Variants in ZSCAN29 observed in about 807,000 individuals in gnomAD.
ZSCAN29 encodes the protein zinc finger and SCAN domain-containing protein 29.
ZSCAN29 carries 55 observed loss-of-function variants against 71.9 expected under a neutral mutation model. The ratio of observed to expected loss-of-function variants is 0.76; its 90% CI spans 0.62 to 0.96. The LOEUF is 0.96. Ranked by LOEUF, ZSCAN29 falls within the 40% of genes least tolerant of loss-of-function variation. ZSCAN29 has a pLI of 0.00. For missense variants in ZSCAN29, 1,042 were observed against 1,042.2 expected (o/e 1.00, Z 0.00); for synonymous variants, 351 against 371.6 (o/e 0.94, Z 0.64).
chr15:43,369,818 C>T lies in ZSCAN29; in HGVS notation c.96G>A (p.Pro32=), dbSNP rs757213313. The change falls in exon 2 of 6, where the codon CCG becomes CCA. Residue 32 remains proline, a synonymous_variant. Coordinates refer to ENST00000684362, the MANE Select transcript of ZSCAN29 (RefSeq NM_001372080.1). The part of the protein sequence containing the change: ...RRFHYQEVAG[P]REAFSQLWEL... Reference sequence around the variant, plus strand: ...CCCAGAGTTGGCTGAAAGCCTCCCGCGGCCCAGCCACCTCCTGGTAATGGA... The same window carrying T: ...CCCAGAGTTGGCTGAAAGCCTCCCGTGGCCCAGCCACCTCCTGGTAATGGA... The T allele has an allele frequency of 4.3e-6, 7 of 1,614,076 alleles. No homozygotes were observed. In the East Asian group the frequency reaches 8.9e-5, roughly 21 times the overall value.
rs2044033681 is a variant in ZSCAN29 at position 43,366,153 on chromosome 15, C to T, written c.1179G>A (p.Gln393=). 6.2e-7 allele frequency: 1 copy of T among 1,613,904 alleles called. No individual in the cohort carries two copies. Among genetic ancestry groups the T allele is most frequent in the Non-Finnish European group, 8.5e-7 (1 of 1,179,998 alleles). ...CAACAGGTGCAGCTGAGTTGGGGTC[C>T]TGGGGGGTCGCCTCTAGATCCATGT... is the stretch of plus-strand genomic sequence containing the variant. The part of the protein sequence containing the change: ...SDDMDLEATP[Q]DPNSAAPVVF... Residue 393 remains glutamine, a synonymous_variant, in exon 4 of 6, where the codon CAG becomes CAA. Coordinates refer to ENST00000684362, the MANE Select transcript of ZSCAN29 (RefSeq NM_001372080.1).
At position 43,369,121 on chromosome 15, in the gene ZSCAN29, C is replaced by T. The variant is rs1346773607; in HGVS notation, c.325G>A (p.Val109Ile). 1 of 1,558,410 alleles carries T rather than the reference C, an allele frequency of 6.4e-7. No individual in the cohort carries two copies. Among genetic ancestry groups the T allele is most frequent in the Admixed American group, 1.9e-5 (1 of 53,162 alleles). Residue 109 changes from valine to isoleucine, a missense_variant, in exon 3 of 6, where the codon GTC (valine) becomes ATC (isoleucine). By Grantham distance (29) the Val-to-Ile change is conservative. Transcript: ENST00000684362. ...EPGRPRSSVT[V>I]SVKGQEVRLE... is the part of the protein sequence containing the mutation. ...CGCACTTCCTGCCCCTTCACAGAGACTGTGACCTAGAAACAACCCCCGTTA... is the reference window on the plus strand; with the variant it reads ...CGCACTTCCTGCCCCTTCACAGAGATTGTGACCTAGAAACAACCCCCGTTA...
Position 43,358,502 on chromosome 15 carries a change from ATATT to A in ZSCAN29, c.*2567_*2570del, listed in dbSNP as rs1199800138. 6.6e-6 allele frequency: 1 copy of A among 152,216 alleles called. No homozygotes were observed. Among genetic ancestry groups the A allele is most frequent in the African/African-American group, 2.4e-5 (1 of 41,450 alleles). The allele number at this position is 152,216 out of a possible 1,614,324, so 9.4% of individuals were successfully genotyped here. A position where few individuals can be genotyped will look rare whatever the true frequency, so the allele number is the denominator to read the frequency against. On this transcript the variant is annotated 3_prime_UTR_variant, in exon 6 of 6. Coordinates refer to ENST00000684362, the MANE Select transcript of ZSCAN29 (RefSeq NM_001372080.1). ...ACCATCTTCCCTTAATTCCTAATAA[ATATT>A]AGATTTTTTTGTACTAAGATTCAAC... is the stretch of plus-strand genomic sequence containing the variant.
Position 43,364,370 on chromosome 15 carries a change from C to T in ZSCAN29, c.1235G>A (p.Gly412Asp). The stretch of plus-strand genomic sequence containing the variant: ...AAGGTAAGTCTTGGTCTCTTCATAG[C>T]CCCAGTGTACACCTGCCACCAGAAG... ...VFRSPGGVHW[G>D]YEETKTYLAI... The change falls in exon 5 of 6, where the codon GGC (glycine) becomes GAC (aspartate). Residue 412 changes from glycine to aspartate, a missense_variant. Transcript: ENST00000684362. The T allele has an allele frequency of 6.2e-7, 1 of 1,613,678 alleles. No homozygotes were observed. The highest frequency in any genetic ancestry group is 1.3e-5 in the African/African-American group (1 of 74,996).
chr15:43,364,068 G>T lies in ZSCAN29; in HGVS notation c.1537C>A (p.Pro513Thr). The T allele has an allele frequency of 6.2e-7, 1 of 1,614,104 alleles. No individual in the cohort carries two copies. Among genetic ancestry groups the T allele is most frequent in the South Asian group, 1.1e-5 (1 of 91,074 alleles). The change falls in exon 5 of 6, where the codon CCC becomes ACC. Residue 513 changes from proline to threonine, a missense_variant. Coordinates refer to ENST00000684362, the MANE Select transcript of ZSCAN29 (RefSeq NM_001372080.1). ...TCAGCCTCACTGGTCCCCTGGACGG[G>T]GCAAGAAGCAGTCTCTTCCTGGCCA... ...NDGQEETASC[P>T]VQGTSEAEAQ...
Position 43,369,890 on chromosome 15 carries a change from T to C in ZSCAN29, c.24A>G (p.Arg8=), listed in dbSNP as rs1486328990. The change falls in exon 2 of 6, where the codon AGA becomes AGG. Residue 8 remains arginine (R), a synonymous_variant. Coordinates refer to ENST00000684362, the MANE Select transcript of ZSCAN29 (RefSeq NM_001372080.1). ...AGGTCTCAGAGTTAGTGCCATTCTC[T>C]CTTAGAGCTGATTTGGCCATCATTA... The part of the protein sequence containing the change: MMAKSAL[R]ENGTNSETFR... 2 of 1,605,984 alleles carry C rather than the reference T, an allele frequency of 1.2e-6. No homozygotes were observed. Among genetic ancestry groups the C allele is most frequent in the Non-Finnish European group, 8.5e-7 (1 of 1,177,510 alleles).
At chr15:43,369,564 C>G (rs2044077184) in intron 2 of ZSCAN29, 32 bp downstream of exon 2, 1 of 1,592,708 alleles carries the variant, frequency 6.3e-7, no homozygotes, top group Non-Finnish European at 8.6e-7. Context: ...CAGTATCACA[C>G]TTTTGAATTT....
rs935241174 is a variant in ZSCAN29, at chr15:43,371,001, C to CCCGGCT, written c.-562_-557dup. The CCCGGCT allele has an allele frequency of 9.4e-6, 3 of 317,570 alleles. No individual in the cohort carries two copies. Among genetic ancestry groups the CCCGGCT allele is most frequent in the African/African-American group, 7.7e-5 (3 of 39,018 alleles). 19.7% of individuals were successfully genotyped at this position (317,570 alleles called of 1,614,324 possible). The stretch of plus-strand genomic sequence containing the variant: ...CCCCGGCCCCGGCCCCGGCCCCGGC[C>CCCGGCT]CCGGCTCTCCAGCCTCCCAAGTACA... On this transcript the variant is annotated 5_prime_UTR_variant, in exon 1 of 6. Coordinates refer to ENST00000684362, the MANE Select transcript of ZSCAN29 (RefSeq NM_001372080.1).
Position 43,359,151 on chromosome 15 carries a change from C to T in ZSCAN29, c.*1922G>A, listed in dbSNP as rs1321857389. On this transcript the variant is annotated 3_prime_UTR_variant, in exon 6 of 6. Coordinates refer to ENST00000684362, the MANE Select transcript of ZSCAN29 (RefSeq NM_001372080.1). The stretch of plus-strand genomic sequence containing the variant: ...TTGACCACTTCCTGCTTCATGAAGC[C>T]TTCCTGAATAAAGAGAAAAAATACC... The T allele has an allele frequency of 1.3e-5, 2 of 152,170 alleles. No homozygotes were observed. The highest frequency in any genetic ancestry group is 2.9e-5 in the Non-Finnish European group (2 of 68,030). The allele number at this position is 152,170 out of a possible 1,614,324, so 9.4% of individuals were successfully genotyped here.
At chr15:43,369,213 C>A (rs1473102951) in intron 2 of ZSCAN29, 86 bp from the exon 3 acceptor site, 10 of 1,358,872 alleles carry the variant, frequency 7.4e-6, no homozygotes, top group African/African-American at 2.9e-5. Context: ...CAAAAGAGAT[C>A]ATCTTTCAGA....
intron 5 of ZSCAN29, among the ~76,000 whole-genome samples, chr15:43,363,345 A>G (rs985516983): frequency 1.3e-5 from 2 of 152,206 alleles, no homozygotes; most frequent in Non-Finnish European, 2.9e-5. Context: ...ACGTACACAT[A>G]TATGACTCTG....
chr15:43,362,814 A>G (rs571132294), intron 5 of ZSCAN29, among the ~76,000 whole-genome samples: 1 of 152,336 alleles, frequency 6.6e-6, no homozygotes, highest in African/African-American at 2.4e-5. Flanking sequence ...AGAATATATT[A>G]ATACCCCATG....
chr15:43,366,875 C>G, intron 3 of ZSCAN29, 67 bp from the exon 4 acceptor site: 2 of 1,423,216 alleles, frequency 1.4e-6, no homozygotes, highest in Non-Finnish European at 1.9e-6. Context: ...TCTTGAAATT[C>G]AGTCCTGCCT....
rs146267149 is a variant in ZSCAN29, at chr15:43,361,844, T to G, written c.1788A>C (p.Lys596Asn). ...HRTLLARSER[K>N]IPRYLHQGKG... Reference sequence around the variant, plus strand: ...TACCCTGATGAAGATACCGGGGAATTTTCCTTTCAGATCTTGCAAGTAATG... The same window carrying G: ...TACCCTGATGAAGATACCGGGGAATGTTCCTTTCAGATCTTGCAAGTAATG... Residue 596 changes from lysine (K) to asparagine (N), a missense_variant, in exon 6 of 6, where the codon AAA becomes AAC. Physicochemically the swap from Lys to Asn is moderately conservative, Grantham distance 94. Coordinates refer to ENST00000684362, the MANE Select transcript of ZSCAN29 (RefSeq NM_001372080.1). 8.4e-5 allele frequency: 136 copies of G among 1,614,206 alleles called. No homozygotes were observed. In the African/African-American group the frequency reaches 1.7e-3, roughly 20 times the overall value.
rs748304332 is a variant in ZSCAN29, at chr15:43,366,267, G to A, written c.1065C>T (p.Ser355=). ...AAASHSGLVG[S]DAETEEPGQR... ...GCCCTGGCTCTTCAGTCTCAGCATC[G>A]CTGCCTACCAGGCCAGAGTGAGAGG... Residue 355 remains serine, a synonymous_variant, in exon 4 of 6, where the codon AGC becomes AGT. Coordinates refer to ENST00000684362, the MANE Select transcript of ZSCAN29 (RefSeq NM_001372080.1). The A allele has an allele frequency of 1.5e-5, 24 of 1,613,074 alleles. No homozygotes were observed. The highest frequency in any genetic ancestry group is 5.3e-5 in the African/African-American group (4 of 74,864).
rs1158766495 is a variant in ZSCAN29 at position 43,370,681 on chromosome 15, C to T, written c.-236G>A. On this transcript the variant is annotated 5_prime_UTR_variant, in exon 1 of 6. Coordinates refer to ENST00000684362, the MANE Select transcript of ZSCAN29 (RefSeq NM_001372080.1). ...TCCGAGGAGCAGTAGTAACGGGCTT[C>T]CTGAGGACGGGCTCGGGTGTCGGCC... 6.5e-6 allele frequency: 1 copy of T among 152,728 alleles called. No homozygotes were observed. The highest frequency in any genetic ancestry group is 6.5e-5 in the Admixed American group (1 of 15,326). 9.5% of individuals were successfully genotyped at this position (152,728 alleles called of 1,614,324 possible).
Position 43,369,859 on chromosome 15 carries a change from G to A in ZSCAN29, c.55C>T (p.Gln19Ter). The A allele has an allele frequency of 6.2e-7, 1 of 1,613,150 alleles. No homozygotes were observed. The highest frequency in any genetic ancestry group is 8.5e-7 in the Non-Finnish European group (1 of 1,180,024). The change falls in exon 2 of 6, where the codon CAG becomes TAG. Residue 19 changes from glutamine (Q) to a stop codon, truncating the protein, a stop_gained. Transcript: ENST00000684362. LOFTEE classifies it high-confidence loss of function. ...TGGTAATGGAATCTCCTGAAACGCT[G>A]TCGGAAGGTCTCAGAGTTAGTGCCA... ...ENGTNSETFR[Q>*]RFRRFHYQEV...
chr15:43,363,791 G>A (rs1186725405), intron 5 of ZSCAN29, 124 bp downstream of exon 5: 4 of 881,680 alleles, frequency 4.5e-6, no homozygotes, highest in South Asian at 3.8e-5. Context: ...CAAGAAATAT[G>A]GGTGGTCACA....
chr15:43,363,238 C>T (rs913400880), intron 5 of ZSCAN29, among the ~76,000 whole-genome samples: 5 of 152,184 alleles, frequency 3.3e-5, no homozygotes, highest in Non-Finnish European at 7.3e-5. Context: ...CTCGGCCTCC[C>T]AAAATGCTGG....
Sources: gnomAD v4.1 joint callset for allele counts (sites outside exome capture counted in the v4.1 genomes callset) on GRCh38, gnomAD v4.1.1 for gene constraint, MANE v1.5 for transcripts, NCBI Gene and HGNC (gene_info 2026-07-23, HGNC 2026-07-21) for gene names.